The following SPRED1 variants were observed in gnomAD, a reference collection of about 807,000 sequenced individuals.
SPRED1 encodes the protein sprouty-related, EVH1 domain-containing protein 1.
In SPRED1, 18 loss-of-function variants were observed where a neutral mutation model predicts 52.3. The observed-to-expected ratio is 0.34, with a 90% confidence interval of 0.24 to 0.51. The LOEUF is 0.51. Ranked by LOEUF, SPRED1 falls within the 20% of genes least tolerant of loss-of-function variation. SPRED1 has a pLI of 0.97. For missense variants in SPRED1, 485 were observed against 551.0 expected (o/e 0.88, Z 1.20); for synonymous variants, 155 against 179.7 (o/e 0.86, Z 1.10).
intron 1 of SPRED1, among the ~76,000 whole-genome samples, chr15:38,292,530 T>TGGCGGGA (rs1316592009): frequency 2.6e-5 from 4 of 152,132 alleles, no homozygotes; most frequent in African/African-American, 9.7e-5. Context: ...CTCAGAATCA[T>TGGCGGGA]GGTGGGAGGC....
intron 5 of SPRED1, among the ~76,000 whole-genome samples, chr15:38,348,490 A>G (rs188629680): frequency 1.9e-3 from 294 of 152,020 alleles, no homozygotes; most frequent in Non-Finnish European, 3.2e-3. Context: ...TTTTTTTATG[A>G]TAGTTAACTT....
At chr15:38,309,629 G>A (rs1895321658) in intron 2 of SPRED1, among the ~76,000 whole-genome samples, 1 of 152,086 alleles carries the variant, frequency 6.6e-6, no homozygotes, top group Non-Finnish European at 1.5e-5. Context: ...TTTCTTTCAT[G>A]GATCATACTT....
intron 1 of SPRED1, among the ~76,000 whole-genome samples, chr15:38,277,765 T>C (rs1271709047): frequency 1.3e-5 from 2 of 152,248 alleles, no homozygotes; most frequent in Non-Finnish European, 2.9e-5. Context: ...CTTCATATCC[T>C]TGCCAGCATC....
At chr15:38,268,064 A>T (rs1443949022) in intron 1 of SPRED1, 1 of 152,222 alleles carries the variant, frequency 6.6e-6, no homozygotes, top group African/African-American at 2.4e-5. Context: ...ACAAATAATT[A>T]TATACTTATA....
chr15:38,253,716 C>T (rs1201429214), intron 1 of SPRED1, among the ~76,000 whole-genome samples: 1 of 152,112 alleles, frequency 6.6e-6, no homozygotes, highest in Non-Finnish European at 1.5e-5. Context: ...CCCCCCTCCC[C>T]CTTTTAAACT....
chr15:38,332,928 G>T (rs1391475258), intron 4 of SPRED1, among the ~76,000 whole-genome samples: 11 of 152,286 alleles, frequency 7.2e-5, no homozygotes, highest in Non-Finnish European at 1.3e-4. Context: ...GTTCATAAGT[G>T]ATACTTGGCT....
chr15:38,272,266 C>T (rs978984645), intron 1 of SPRED1, among the ~76,000 whole-genome samples: 4 of 51,360 alleles, frequency 7.8e-5, no homozygotes, highest in African/African-American at 2.1e-4. Context: ...TTGTAGGGGT[C>T]GAATGCTAGG....
chr15:38,307,691 T>G (rs1352196213), intron 2 of SPRED1, among the ~76,000 whole-genome samples: 2 of 152,170 alleles, frequency 1.3e-5, no homozygotes, highest in African/African-American at 2.4e-5. Flanking sequence ...TTGAGTAGTA[T>G]TCTATGATAT....
intron 4 of SPRED1, among the ~76,000 whole-genome samples, chr15:38,330,350 C>G (rs865794035): frequency 4.6e-5 from 7 of 152,184 alleles, no homozygotes; most frequent in Middle Eastern, 3.4e-3. Flanking sequence ...GTTAATGTTT[C>G]CAGTCAAAGC....
chr15:38,310,646 G>T (rs1895347509), intron 2 of SPRED1, among the ~76,000 whole-genome samples: 1 of 152,122 alleles, frequency 6.6e-6, no homozygotes, highest in Non-Finnish European at 1.5e-5. Context: ...TCAACACATA[G>T]ATCTTATATG....
rs1277974333 is a variant in SPRED1, at chr15:38,353,365, A to G, written c.*1701A>G. 1 of 152,550 alleles carries G rather than the reference A, an allele frequency of 6.6e-6. No individual in the cohort carries two copies. Among genetic ancestry groups the G allele is most frequent in the Non-Finnish European group, 1.5e-5 (1 of 67,960 alleles). 9.4% of individuals were successfully genotyped at this position (152,550 alleles called of 1,614,324 possible). On this transcript the variant is annotated 3_prime_UTR_variant, in exon 7 of 7. Coordinates refer to ENST00000299084, the MANE Select transcript of SPRED1 (RefSeq NM_152594.3). ...TTTTTTTAAGAAAGCATTTATATTT[A>G]TATGACAGCTTGAACTGACAACATT...
intron 1 of SPRED1, among the ~76,000 whole-genome samples, chr15:38,273,634 G>A (rs578162977): frequency 1.3e-4 from 20 of 150,908 alleles, no homozygotes; most frequent in Non-Finnish European, 2.8e-4. Context: ...ACTAGCAAGA[G>A]CTTGAAAATG....
At chr15:38,328,886 G>C (rs1045923488) in intron 4 of SPRED1, among the ~76,000 whole-genome samples, 1 of 151,776 alleles carries the variant, frequency 6.6e-6, no homozygotes, top group Non-Finnish European at 1.5e-5. Context: ...GCTAATTTTT[G>C]TATCTTTTTG....
At chr15:38,297,639 C>T (rs1268357235) in intron 1 of SPRED1, among the ~76,000 whole-genome samples, 6 of 151,868 alleles carry the variant, frequency 4.0e-5, no homozygotes, top group Non-Finnish European at 4.4e-5. Context: ...TTATTTTGAC[C>T]CCAATAATAG....
chr15:38,307,368 A>T (rs1215984968), intron 2 of SPRED1, among the ~76,000 whole-genome samples: 1 of 152,174 alleles, frequency 6.6e-6, no homozygotes, highest in Non-Finnish European at 1.5e-5. Flanking sequence ...GGGAAGTCCA[A>T]GGTATTGGCC....
chr15:38,310,115 T>TTGTGTGTGTGTGTGTG (rs767218956), intron 2 of SPRED1, among the ~76,000 whole-genome samples: 57 of 23,180 alleles, frequency 2.5e-3, no homozygotes, highest in East Asian at 0.011. Flanking sequence ...AGACTATTCT[T>TTGTGTGTGTGTGTGTG]TGTGTGTGTG....
At chr15:38,343,845 C>T (rs1896078263) in intron 5 of SPRED1, among the ~76,000 whole-genome samples, 1 of 152,070 alleles carries the variant, frequency 6.6e-6, no homozygotes, top group African/African-American at 2.4e-5. Flanking sequence ...ATCCTCTCAA[C>T]AAACTGGCAA....
At chr15:38,346,279 C>G (rs1326222141) in intron 5 of SPRED1, among the ~76,000 whole-genome samples, 1 of 149,860 alleles carries the variant, frequency 6.7e-6, no homozygotes, top group Non-Finnish European at 1.5e-5. Flanking sequence ...TACGCCATTG[C>G]ACCCAACCTG....
chr15:38,322,556 A>G, intron 3 of SPRED1, 147 bp downstream of exon 3: 2 of 716,498 alleles, frequency 2.8e-6, no homozygotes, highest in Non-Finnish European at 4.7e-6. Flanking sequence ...CTCACAATAG[A>G]TGAAGATAAA....
Sources: gnomAD v4.1 joint callset for allele counts (sites outside exome capture counted in the v4.1 genomes callset) on GRCh38, gnomAD v4.1.1 for gene constraint, MANE v1.5 for transcripts, NCBI Gene and HGNC (gene_info 2026-07-23, HGNC 2026-07-21) for gene names.